The following NAV3 variants were observed in gnomAD, a reference collection of about 807,000 sequenced individuals.
NAV3 encodes pore membrane and/or filament interacting like protein 1.
A neutral mutation model predicts 244.7 loss-of-function variants in NAV3; 87 were observed. That is an observed-to-expected ratio of 0.36 (90% confidence interval 0.30 to 0.42). NAV3 has a LOEUF of 0.42. Among genes scored for constraint, NAV3 ranks in the 20% least tolerant of loss-of-function variants. The pLI is 1.00. For synonymous variants in NAV3, 1,126 were observed against 1,042.2 expected (o/e 1.08, Z -1.55); for missense variants, 2,663 against 2,893.3 (o/e 0.92, Z 1.83).
intron 2 of NAV3, among the ~76,000 whole-genome samples, chr12:77,742,039 T>C (rs746951691): frequency 2.0e-5 from 3 of 152,086 alleles, no homozygotes; most frequent in Non-Finnish European, 4.4e-5. Context: ...TCTTTAATTA[T>C]TACCGTGTAC....
intron 2 of NAV3, among the ~76,000 whole-genome samples, chr12:77,765,786 C>T (rs1030611462): frequency 6.6e-6 from 1 of 151,682 alleles, no homozygotes; most frequent in South Asian, 2.1e-4. Context: ...GAAAAAGAAG[C>T]CCTGAAGAAT....
rs764973355 is a variant in NAV3 at position 78,127,190 on chromosome 12, T to C, written c.4262T>C (p.Leu1421Pro). 6.2e-7 allele frequency: 1 copy of C among 1,613,690 alleles called. No individual in the cohort carries two copies. The highest frequency in any genetic ancestry group is 8.5e-7 in the Non-Finnish European group (1 of 1,179,712). ...SESMQLDRNTLPKKGLRYTPS... is the reference protein window; with the variant it reads ...SESMQLDRNTPPKKGLRYTPS... ...AGCATGCAGCTTGACAGAAATACAC[T>C]ACCCAAAAAGGGACTAAGGTATATA... The change falls in exon 17 of 40, where the codon CTA (leucine) becomes CCA (proline). Residue 1421 changes from leucine to proline, a missense_variant. Coordinates refer to ENST00000397909, the MANE Select transcript of NAV3 (RefSeq NM_001024383.2).
In NAV3 at chr12:77,988,540, T is replaced by G. The variant is rs376422916; in HGVS notation, c.672-6263T>G. Among the ~76,000 whole-genome samples, 5 of 152,280 alleles carry G rather than the reference T, an allele frequency of 3.3e-5. No homozygotes were observed. The East Asian group carries it at 7.7e-4, about 24-fold the overall frequency. On this transcript the variant is annotated intron_variant, in intron 5 of 39. Coordinates refer to ENST00000397909, the MANE Select transcript of NAV3 (RefSeq NM_001024383.2). ...CTTGAGAAAAATAAAAAGCAGCCCC[T>G]TGATATTCCAGTTTACTAGAAAGAT...
At chr12:77,763,082 A>G (rs1347809262) in intron 2 of NAV3, among the ~76,000 whole-genome samples, 3 of 152,192 alleles carry the variant, frequency 2.0e-5, no homozygotes, top group Admixed American at 1.3e-4. Flanking sequence ...TTGTGCTGTA[A>G]TATCTGCCTT....
intron 1 of NAV3, among the ~76,000 whole-genome samples, chr12:77,909,333 C>CAACTTGAA (rs1886335180): frequency 1.3e-5 from 2 of 151,968 alleles, no homozygotes; most frequent in Non-Finnish European, 2.9e-5. Context: ...TTGGGGAGAG[C>CAACTTGAA]TTTGTCCATC....
At chr12:78,026,365 A>T (rs1330408733) in intron 9 of NAV3, among the ~76,000 whole-genome samples, 1 of 151,592 alleles carries the variant, frequency 6.6e-6, no homozygotes, top group South Asian at 2.1e-4. Context: ...CCCCTCGAAA[A>T]CTCTTTACCC....
intron 5 of NAV3, among the ~76,000 whole-genome samples, chr12:77,977,689 TACACACACACACACACACACGCGCACAC>T (rs1868712835): frequency 7.0e-6 from 1 of 141,942 alleles, no homozygotes; most frequent in Non-Finnish European, 1.5e-5. Context: ...GATATATATA[TACACACACACACACACACACGCGCACAC>T]ACACACACAC....
Position 77,644,958 on chromosome 12 carries a change from C to T in NAV3, c.72+72692C>T, listed in dbSNP as rs553675653. On this transcript the variant is annotated intron_variant, in intron 2 of 8. Transcript: ENST00000550042. ...TATATAATACCAAAACGATTAAGTT[C>T]GTTATGGCTTTACCCAAGGTCTCTA... Among the ~76,000 whole-genome samples the T allele has an allele frequency of 6.6e-5, 10 of 152,178 alleles. No individual in the cohort carries two copies. In the South Asian group the frequency reaches 1.9e-3, roughly 28 times the overall value.
chr12:78,152,680 A>G (rs1173615187), intron 22 of NAV3, among the ~76,000 whole-genome samples: 1 of 152,004 alleles, frequency 6.6e-6, no homozygotes, highest in Non-Finnish European at 1.5e-5. Flanking sequence ...CTGTTAATGT[A>G]TGTAATATAC....
At chr12:77,638,628 C>CTT (rs1872260167) in intron 2 of NAV3, among the ~76,000 whole-genome samples, 1 of 152,200 alleles carries the variant, frequency 6.6e-6, no homozygotes, top group Non-Finnish European at 1.5e-5. Context: ...GAGAATGGAG[C>CTT]AACTTAAGAG....
At chr12:78,128,444 T>C (rs944153862) in intron 17 of NAV3, among the ~76,000 whole-genome samples, 2 of 152,164 alleles carry the variant, frequency 1.3e-5, no homozygotes, top group African/African-American at 2.4e-5. Flanking sequence ...AACTTGGCTG[T>C]CTGCTCATTG....
At chr12:77,585,525 C>T (rs539849042) in intron 2 of NAV3, among the ~76,000 whole-genome samples, 7 of 152,170 alleles carry the variant, frequency 4.6e-5, no homozygotes, top group African/African-American at 1.2e-4. Context: ...TCTGATAGGA[C>T]GGGGGAAGGG....
chr12:77,948,915 A>G (rs1045776074), intron 3 of NAV3, among the ~76,000 whole-genome samples: 1 of 152,014 alleles, frequency 6.6e-6, no homozygotes, highest in Admixed American at 6.6e-5. Context: ...ACTCTTGTTC[A>G]CTTAACCTCT....
At position 78,177,606 on chromosome 12, in the gene NAV3, G is replaced by A. The variant is rs1258238628; in HGVS notation, c.5298-14G>A. 20 of 1,595,666 alleles carry A rather than the reference G, an allele frequency of 1.3e-5. No individual in the cohort carries two copies. Among genetic ancestry groups the A allele is most frequent in the East Asian group, 2.2e-5 (1 of 44,630 alleles). ...CATTTGTCCATGTATCTGTCTAACT[G>A]TATGTACATACAGGTCACCCCTTGT... On this transcript the variant is annotated splice_polypyrimidine_tract_variant and intron_variant, in intron 27 of 39. Transcript: ENST00000397909.
chr12:77,839,414 C>T (rs539289509), intron 1 of NAV3, among the ~76,000 whole-genome samples: 52 of 152,194 alleles, frequency 3.4e-4, no homozygotes, highest in Non-Finnish European at 6.6e-4. Context: ...GCATTTGCTT[C>T]ACTTTTTTTG....
chr12:77,813,011 CG>C (rs1266855321), intron 2 of NAV3, among the ~76,000 whole-genome samples: 3 of 151,780 alleles, frequency 2.0e-5, no homozygotes, highest in African/African-American at 7.3e-5. Context: ...TTAGTAGACA[CG>C]GGGTTTTACC....
intron 1 of NAV3, among the ~76,000 whole-genome samples, chr12:77,878,686 G>A (rs1677918): frequency 0.14 from 20,361 of 150,154 alleles, 1,478 homozygotes; most frequent in East Asian, 0.22. Context: ...AAAAAAACAA[G>A]GTCTTTTTTT....
intron 1 of NAV3, among the ~76,000 whole-genome samples, chr12:77,927,152 CTG>C (rs960059289): frequency 6.6e-6 from 1 of 152,164 alleles, no homozygotes; most frequent in African/African-American, 2.4e-5. Flanking sequence ...GTTTTCATAA[CTG>C]TTTTTTAAAA....
intron 2 of NAV3, among the ~76,000 whole-genome samples, chr12:77,771,568 G>A (rs1397272533): frequency 7.2e-5 from 11 of 152,124 alleles, no homozygotes; most frequent in African/African-American, 9.7e-5. Flanking sequence ...TATACACCAT[G>A]GAATACTATG....
Sources: allele counts gnomAD v4.1 joint callset (sites outside exome capture counted in the v4.1 genomes callset), GRCh38; gene constraint gnomAD v4.1.1; transcripts MANE v1.5; gene names NCBI Gene and HGNC (gene_info 2026-07-23, HGNC 2026-07-21).